ZFYVE9: variants seen among roughly 807,000 people sequenced by gnomAD.
The protein encoded by ZFYVE9 is zinc finger FYVE domain-containing protein 9.
A neutral mutation model predicts 126.7 loss-of-function variants in ZFYVE9; 43 were observed. The observed-to-expected ratio is 0.34, with a 90% confidence interval of 0.27 to 0.44. ZFYVE9 has a LOEUF of 0.44. Ranked by LOEUF, ZFYVE9 falls within the 20% of genes least tolerant of loss-of-function variation. The pLI is 1.00. For synonymous variants in ZFYVE9, 521 were observed against 597.4 expected (o/e 0.87, Z 1.87); for missense variants, 1,476 against 1,697.0 (o/e 0.87, Z 2.29).
intron 2 of ZFYVE9, among the ~76,000 whole-genome samples, chr1:52,230,483 A>G (rs1166254693): frequency 6.6e-6 from 1 of 150,966 alleles, no homozygotes; most frequent in Non-Finnish European, 1.5e-5. Flanking sequence ...GCACACATAT[A>G]CCTATGTAAT....
At chr1:52,285,379 G>A (rs1426482944) in intron 10 of ZFYVE9, among the ~76,000 whole-genome samples, 1 of 152,310 alleles carries the variant, frequency 6.6e-6, no homozygotes, top group Non-Finnish European at 1.5e-5. Flanking sequence ...TCCGTGGCCT[G>A]TTAGGAACCA....
rs1164460244 is a variant in ZFYVE9, at chr1:52,142,221, T to G, written c.-325T>G. On this transcript the variant is annotated 5_prime_UTR_variant, in exon 1 of 19. It removes an upstream start codon present in the reference 5' UTR. Transcript: ENST00000287727. The surrounding 1 kb of genome is among the most constrained non-coding windows in gnomAD (Gnocchi z 4.5). Reference sequence around the variant, plus strand: ...GTGGCTGCCGCGGCCCGGGCGCCGATGCGGCTGGGCGGGTGCCGGGCCTTA... The same window carrying G: ...GTGGCTGCCGCGGCCCGGGCGCCGAGGCGGCTGGGCGGGTGCCGGGCCTTA... 14 of 151,314 alleles carry G rather than the reference T, an allele frequency of 9.3e-5. No individual in the cohort carries two copies. The highest frequency in any genetic ancestry group is 9.2e-4 in the Admixed American group (14 of 15,198). The allele number at this position is 151,314 out of a possible 1,614,324, so 9.4% of individuals were successfully genotyped here.
intron 1 of ZFYVE9, among the ~76,000 whole-genome samples, chr1:52,148,927 C>CTGTT (rs1644328937): frequency 1.4e-5 from 2 of 141,418 alleles, no homozygotes; most frequent in African/African-American, 5.2e-5. Flanking sequence ...GAATGAGCCA[C>CTGTT]TGTTCCCAGC....
rs528440179 is a variant in ZFYVE9 at position 52,176,139 on chromosome 1, G to T, written c.-143+33736G>T. ...CATCTTTGTAGTTTTATCTACTTTT[G>T]GTCTTTGATGATGGTGATGTACAGA... On this transcript the variant is annotated intron_variant, in intron 1 of 18. Transcript: ENST00000287727. 1.0e-3 allele frequency among the ~76,000 whole-genome samples: 159 copies of T among 152,206 alleles called. 7 individuals carry two copies. The East Asian group carries it at 0.026, about 25-fold the overall frequency.
chr1:52,283,275 A>G (rs1645822344), intron 10 of ZFYVE9, among the ~76,000 whole-genome samples: 3 of 152,160 alleles, frequency 2.0e-5, no homozygotes, highest in African/African-American at 7.2e-5. Context: ...GGGTTTTGAG[A>G]GTGTGTTAGA....
intron 13 of ZFYVE9, among the ~76,000 whole-genome samples, chr1:52,316,609 T>TA: frequency 6.6e-6 from 1 of 152,162 alleles, no homozygotes; most frequent in East Asian, 1.9e-4. Context: ...AAGAAATACA[T>TA]ACCATATTTA....
At chr1:52,149,877 G>A (rs1280036574) in intron 1 of ZFYVE9, among the ~76,000 whole-genome samples, 1 of 152,112 alleles carries the variant, frequency 6.6e-6, no homozygotes, top group African/African-American at 2.4e-5. Flanking sequence ...TCCGTATAAA[G>A]TTACAAAAAC....
intron 11 of ZFYVE9, among the ~76,000 whole-genome samples, chr1:52,294,955 C>T (rs942368227): frequency 5.3e-5 from 8 of 152,206 alleles, no homozygotes; most frequent in African/African-American, 1.9e-4. Flanking sequence ...CTAATTCCAG[C>T]ACTTTTGAGA....
intron 1 of ZFYVE9, among the ~76,000 whole-genome samples, chr1:52,168,219 T>C (rs1644531229): frequency 7.5e-6 from 1 of 132,904 alleles, no homozygotes; most frequent in African/African-American, 3.1e-5. Flanking sequence ...GTCTTCTTTT[T>C]TTTTTTTTTT....
intron 13 of ZFYVE9, among the ~76,000 whole-genome samples, chr1:52,327,803 G>A (rs773021906): frequency 2.6e-5 from 4 of 151,528 alleles, no homozygotes; most frequent in African/African-American, 2.4e-5. Flanking sequence ...GTCAAACTCC[G>A]TCTCTACTAA....
chr1:52,273,597 G>A lies in ZFYVE9; in HGVS notation c.2626-867G>A, dbSNP rs145880853. Among the ~76,000 whole-genome samples the A allele has an allele frequency of 6.4e-3, 974 of 152,130 alleles. 5 individuals carry two copies. The highest frequency in any genetic ancestry group is 0.023 in the African/African-American group (937 of 41,496). On this transcript the variant is annotated intron_variant, in intron 7 of 18. Coordinates refer to ENST00000287727, the MANE Select transcript of ZFYVE9 (RefSeq NM_004799.4). The stretch of plus-strand genomic sequence containing the variant: ...TGTAATCCTAGCACTTTGGGAGGCC[G>A]AGGTTGGCGGATCACAAGGTCAGGA...
intron 1 of ZFYVE9, among the ~76,000 whole-genome samples, chr1:52,212,895 A>T (rs1170312103): frequency 6.6e-6 from 1 of 152,234 alleles, no homozygotes; most frequent in African/African-American, 2.4e-5. Context: ...TCACATTGGG[A>T]GATGACATTT....
chr1:52,242,794 A>T (rs1037674138), intron 4 of ZFYVE9, among the ~76,000 whole-genome samples: 2 of 152,216 alleles, frequency 1.3e-5, no homozygotes, highest in Non-Finnish European at 2.9e-5. Context: ...ACTTTGCATG[A>T]AAATCTGTCT....
intron 4 of ZFYVE9, among the ~76,000 whole-genome samples, chr1:52,246,681 G>A (rs1000261314): frequency 2.9e-4 from 44 of 149,254 alleles, no homozygotes; most frequent in Admixed American, 2.5e-3. Context: ...ACGAGCATGT[G>A]CCACCACGTG....
chr1:52,184,806 C>T (rs1461442839), intron 1 of ZFYVE9, among the ~76,000 whole-genome samples: 2 of 152,050 alleles, frequency 1.3e-5, no homozygotes, highest in South Asian at 2.1e-4. Flanking sequence ...GGAGGGATCA[C>T]CTGAGGCCAG....
intron 7 of ZFYVE9, among the ~76,000 whole-genome samples, chr1:52,271,999 C>G (rs1334918304): frequency 6.6e-6 from 1 of 152,072 alleles, no homozygotes; most frequent in African/African-American, 2.4e-5. Context: ...ACCACCACAC[C>G]TGGCAAATTT....
At chr1:52,262,036 T>C (rs1433805761) in intron 4 of ZFYVE9, among the ~76,000 whole-genome samples, 1 of 152,234 alleles carries the variant, frequency 6.6e-6, no homozygotes, top group African/African-American at 2.4e-5. Flanking sequence ...TTCGGGCTGC[T>C]ATAACAAAAT....
At chr1:52,295,258 G>A (rs1318391634) in intron 11 of ZFYVE9, among the ~76,000 whole-genome samples, 1 of 150,830 alleles carries the variant, frequency 6.6e-6, no homozygotes, top group Non-Finnish European at 1.5e-5. Context: ...TAAACTTATT[G>A]AGCACAGAGG....
At chr1:52,291,263 G>T (rs1037992164) in intron 10 of ZFYVE9, among the ~76,000 whole-genome samples, 2 of 152,130 alleles carry the variant, frequency 1.3e-5, no homozygotes, top group African/African-American at 4.8e-5. Flanking sequence ...TTCACTTGTG[G>T]CTGCTACTGT....
Sources: allele counts gnomAD v4.1 joint callset (sites outside exome capture counted in the v4.1 genomes callset), GRCh38; gene constraint gnomAD v4.1.1; non-coding constraint Gnocchi (gnomAD v3.1); transcripts MANE v1.5; gene names NCBI Gene and HGNC (gene_info 2026-07-23, HGNC 2026-07-21).